The following CRYAB variants were observed in gnomAD, a reference collection of about 807,000 sequenced individuals.
The protein encoded by CRYAB is alpha-crystallin B chain.
Under a neutral mutation model 12.7 loss-of-function variants are expected in CRYAB, and 9 were observed. That is an observed-to-expected ratio of 0.71 (90% CI 0.43 to 1.24). The LOEUF is 1.24. Among genes scored for constraint, CRYAB ranks in the 50% most tolerant of loss-of-function variants. The pLI, the probability that CRYAB is intolerant of heterozygous loss-of-function variation, is 0.00. For missense variants in CRYAB, 183 were observed against 226.6 expected (o/e 0.81, Z 1.24); for synonymous variants, 93 against 86.8 (o/e 1.07, Z -0.40).
upstream of CRYAB, among the ~76,000 whole-genome samples, chr11:111,915,345 T>C (rs1965581812): frequency 6.6e-6 from 1 of 152,228 alleles, no homozygotes. Flanking sequence ...AATGAAAGCA[T>C]GCCCCAGAGA....
intron 2 of CRYAB, chr11:111,910,036 T>C (rs782671522): frequency 1.6e-6 from 1 of 619,488 alleles, no homozygotes; most frequent in Non-Finnish European, 2.9e-6. Context: ...AAAGTTCCCC[T>C]GGTGATTCTA....
At chr11:111,923,174 C>T (rs1965727853) in intron 1 of CRYAB, among the ~76,000 whole-genome samples, 1 of 152,230 alleles carries the variant, frequency 6.6e-6, no homozygotes, top group East Asian at 1.9e-4. Context: ...ATAAGGCTGA[C>T]TGAGCAGCAG....
At chr11:111,911,783 A>T, upstream of CRYAB, 1 of 1,186,360 alleles carries the variant, frequency 8.4e-7, no homozygotes, top group South Asian at 1.3e-5. Context: ...CTGCAGCTAC[A>T]GCCAGCCCCT....
intron 1 of CRYAB, chr11:111,918,788 T>C (rs139772777): frequency 0.015 from 10,282 of 706,694 alleles, 104 homozygotes; most frequent in Non-Finnish European, 0.021. Context: ...TTCTACCCTT[T>C]GGCTGGGAAC....
upstream of CRYAB, chr11:111,913,570 A>G: frequency 1.2e-6 from 2 of 1,614,140 alleles, no homozygotes; most frequent in Non-Finnish European, 1.7e-6. Flanking sequence ...GGCAAGTTCC[A>G]GGCATTTCTG....
rs1566401987 is a variant in CRYAB at position 111,908,725 on chromosome 11, AC to A, written c.*38del. On this transcript the variant is annotated 3_prime_UTR_variant, in exon 3 of 3. Coordinates refer to ENST00000650687, the MANE Select transcript of CRYAB (RefSeq NM_001289808.2). ...AAGACTTTCATTCACTGGTGGGGAAACTTTCTTGTTTTAAAAAATGCAATTC... is the reference window on the plus strand; with the variant it reads ...AAGACTTTCATTCACTGGTGGGGAAATTTCTTGTTTTAAAAAATGCAATTC... The A allele has an allele frequency of 6.2e-7, 1 of 1,600,730 alleles. No individual in the cohort carries two copies. The highest frequency in any genetic ancestry group is 1.3e-5 in the African/African-American group (1 of 74,740).
At chr11:111,909,230 G>T in intron 2 of CRYAB, 1 of 542,822 alleles carries the variant, frequency 1.8e-6, no homozygotes, top group South Asian at 1.5e-5. Flanking sequence ...ATGTTTAGGG[G>T]TATTTCCCAA....
upstream of CRYAB, chr11:111,913,250 CCTTTCCGTTCT>C (rs1358690979): frequency 1.6e-6 from 1 of 620,582 alleles, no homozygotes; most frequent in Non-Finnish European, 2.9e-6. Flanking sequence ...TCCTCCCTTT[CCTTTCCGTTCT>C]CTTTCCCCTC....
chr11:111,913,706 C>T (rs782512419), upstream of CRYAB: 3 of 1,614,208 alleles, frequency 1.9e-6, no homozygotes, highest in Admixed American at 1.7e-5. Flanking sequence ...TCTGCCGCAC[C>T]TATGTCCTGC....
At chr11:111,917,739 G>T (rs890565296), upstream of CRYAB, among the ~76,000 whole-genome samples, 1 of 151,130 alleles carries the variant, frequency 6.6e-6, no homozygotes, top group Non-Finnish European at 1.5e-5. Flanking sequence ...CCAGCTACTC[G>T]AGAGGCTGAG....
chr11:111,909,112 G>C, intron 2 of CRYAB, 145 bp from the exon 3 acceptor site: 2 of 825,046 alleles, frequency 2.4e-6, no homozygotes, highest in Non-Finnish European at 4.0e-6. Flanking sequence ...TTCGTTTCAG[G>C]GTTGCAGCTA....
chr11:111,909,180 G>A, intron 2 of CRYAB: 1 of 651,130 alleles, frequency 1.5e-6, no homozygotes, highest in South Asian at 1.5e-5. Context: ...GTCTGAAACA[G>A]TCCAACACTT....
In CRYAB at chr11:111,910,393, T is replaced by TG; in HGVS notation, c.257dup (p.Glu87ArgfsTer6). On this transcript the variant is annotated frameshift_variant, in exon 2 of 3. Coordinates refer to ENST00000650687, the MANE Select transcript of CRYAB (RefSeq NM_001289808.2). LOFTEE classifies it high-confidence loss of function. Reference sequence around the variant, plus strand: ...CCAACACCTTAACTTTGAGTTCCTCTGGGGAGAAGTGCTTCACATCCAGGT... The same window carrying TG: ...CCAACACCTTAACTTTGAGTTCCTCTGGGGGAGAAGTGCTTCACATCCAGGT... The TG allele has an allele frequency of 6.2e-7, 1 of 1,614,208 alleles. No homozygotes were observed. Among genetic ancestry groups the TG allele is most frequent in the Non-Finnish European group, 8.5e-7 (1 of 1,180,028 alleles).
At chr11:111,914,199 C>T (rs4252591), upstream of CRYAB, 109,227 of 325,618 alleles carry the variant, frequency 0.34, 20,001 homozygotes, top group East Asian at 0.58. Context: ...ATGTGCCCAA[C>T]GTCATAGGAC....
At chr11:111,919,065 G>GA in intron 1 of CRYAB, 1 of 1,584,618 alleles carries the variant, frequency 6.3e-7, no homozygotes, top group African/African-American at 1.3e-5. Flanking sequence ...TAGAGGCCCC[G>GA]AAAATCAGAG....
chr11:111,912,855 C>T, upstream of CRYAB: 2 of 1,606,862 alleles, frequency 1.2e-6, no homozygotes, highest in Admixed American at 1.7e-5. Context: ...GTGCCACATG[C>T]CCACCCGGCC....
intron 1 of CRYAB, chr11:111,919,284 C>A (rs1311873635): frequency 2.4e-6 from 1 of 410,942 alleles, no homozygotes; most frequent in Non-Finnish European, 4.5e-6. Context: ...ACCATCCTAG[C>A]CAACATGGTG....
At chr11:111,919,658 C>T (rs1287673573) in intron 1 of CRYAB, among the ~76,000 whole-genome samples, 1 of 152,106 alleles carries the variant, frequency 6.6e-6, no homozygotes, top group African/African-American at 2.4e-5. Context: ...AGACATTTTA[C>T]AGTCTCATTT....
chr11:111,910,775 T>A (rs1362384753), intron 1 of CRYAB: 18 of 416,184 alleles, frequency 4.3e-5, no homozygotes. Flanking sequence ...TTGTGGTTTG[T>A]CTGTGAGACA....
Sources: gnomAD v4.1 joint callset for allele counts (sites outside exome capture counted in the v4.1 genomes callset) on GRCh38, gnomAD v4.1.1 for gene constraint, MANE v1.5 for transcripts, NCBI Gene and HGNC (gene_info 2026-07-23, HGNC 2026-07-21) for gene names.